NEDD4L: variants seen among roughly 807,000 people sequenced by gnomAD.
The protein encoded by NEDD4L is E3 ubiquitin-protein ligase NEDD4-like.
A neutral mutation model predicts 148.9 loss-of-function variants in NEDD4L; 54 were observed. The observed-to-expected ratio is 0.36, with a 90% confidence interval of 0.29 to 0.45. The LOEUF is 0.45. Among genes scored for constraint, NEDD4L ranks in the 20% least tolerant of loss-of-function variants. The pLI, the probability that NEDD4L is intolerant of heterozygous loss-of-function variation, is 1.00. For missense variants in NEDD4L, 856 were observed against 1,233.8 expected, an observed-to-expected ratio of 0.69 and a Z score of 4.59; for synonymous variants, 433 against 440.7, an observed-to-expected ratio of 0.98 and a Z score of 0.22.
intron 1 of NEDD4L, among the ~76,000 whole-genome samples, chr18:58,094,321 A>G (rs2084250453): frequency 6.6e-6 from 1 of 151,856 alleles, no homozygotes; most frequent in Non-Finnish European, 1.5e-5. Context: ...GATAGCTGGG[A>G]CCACAGGCAC....
chr18:58,136,553 A>G (rs2032873659), intron 1 of NEDD4L, among the ~76,000 whole-genome samples: 1 of 152,236 alleles, frequency 6.6e-6, no homozygotes, highest in East Asian at 1.9e-4. Flanking sequence ...GACTGTGACT[A>G]CAGTGGATAT....
intron 1 of NEDD4L, among the ~76,000 whole-genome samples, chr18:58,094,377 G>C (rs564886831): frequency 5.9e-5 from 9 of 151,996 alleles, no homozygotes; most frequent in African/African-American, 2.2e-4. Flanking sequence ...TATAGAGACG[G>C]GATTTCTCCA....
chr18:58,142,836 T>C (rs1178715713), intron 1 of NEDD4L, among the ~76,000 whole-genome samples: 1 of 49,968 alleles, frequency 2.0e-5, no homozygotes, highest in Non-Finnish European at 4.4e-5. Context: ...CCTTTTATCA[T>C]TTTTTTTTCA....
intron 2 of NEDD4L, among the ~76,000 whole-genome samples, chr18:58,235,801 T>G (rs1445690022): frequency 1.3e-5 from 2 of 152,162 alleles, no homozygotes; most frequent in Non-Finnish European, 2.9e-5. Context: ...TTTAAGGCTG[T>G]GTGCTTTATA....
chr18:58,153,653 G>GTT (rs140940918), intron 1 of NEDD4L, among the ~76,000 whole-genome samples: 2,891 of 146,084 alleles, frequency 0.02, 56 homozygotes, highest in Middle Eastern at 0.045. Context: ...TTTGCGAAAC[G>GTT]TTTTTTTTTT....
intron 1 of NEDD4L, among the ~76,000 whole-genome samples, chr18:58,072,857 GGCGC>G (rs563017835): frequency 1.6e-4 from 22 of 139,680 alleles, no homozygotes; most frequent in East Asian, 8.3e-4. Context: ...AAAATCCTAA[GGCGC>G]GCGCGCGCGC....
At chr18:58,104,088 A>G (rs979530974) in intron 1 of NEDD4L, among the ~76,000 whole-genome samples, 7 of 152,244 alleles carry the variant, frequency 4.6e-5, no homozygotes, top group African/African-American at 9.6e-5. Context: ...TGAATAGATT[A>G]AAAAACAGAT....
chr18:58,302,090 G>A (rs1265930303), intron 5 of NEDD4L, among the ~76,000 whole-genome samples: 1 of 152,158 alleles, frequency 6.6e-6, no homozygotes, highest in Non-Finnish European at 1.5e-5. Context: ...GGAATCTTTT[G>A]TCGTCTAGCC....
intron 30 of NEDD4L, among the ~76,000 whole-genome samples, chr18:58,393,639 C>G (rs1464793461): frequency 6.6e-6 from 1 of 152,218 alleles, no homozygotes; most frequent in Non-Finnish European, 1.5e-5. Flanking sequence ...TCTGCTGTTT[C>G]TTCTAAATGG....
intron 2 of NEDD4L, among the ~76,000 whole-genome samples, chr18:58,191,449 A>G (rs2040108804): frequency 6.6e-6 from 1 of 152,220 alleles, no homozygotes; most frequent in African/African-American, 2.4e-5. Context: ...GATGGCCCCT[A>G]TTTCAGAATC....
At chr18:58,292,533 C>G (rs114006683) in intron 5 of NEDD4L, among the ~76,000 whole-genome samples, 2,949 of 152,330 alleles carry the variant, frequency 0.019, 86 homozygotes, top group African/African-American at 0.057. Flanking sequence ...TGATCTCGCT[C>G]CTCTACTCTC....
At chr18:58,106,857 C>G (rs1384701482) in intron 1 of NEDD4L, among the ~76,000 whole-genome samples, 5 of 151,824 alleles carry the variant, frequency 3.3e-5, no homozygotes, top group Non-Finnish European at 7.4e-5. Context: ...TGAACCTGTC[C>G]CCTGAAATCT....
intron 13 of NEDD4L, among the ~76,000 whole-genome samples, chr18:58,339,973 C>T (rs945150460): frequency 5.9e-5 from 9 of 152,186 alleles, no homozygotes; most frequent in African/African-American, 1.9e-4. Flanking sequence ...GTAAAAGAAG[C>T]AGCTTCCTTT....
intron 1 of NEDD4L, among the ~76,000 whole-genome samples, chr18:58,095,449 G>A (rs1035945663): frequency 7.6e-6 from 1 of 131,296 alleles, no homozygotes; most frequent in African/African-American, 3.3e-5. Context: ...TGCTCCCACC[G>A]CGTGGGGAGT....
chr18:58,269,810 A>G (rs1449185806), intron 5 of NEDD4L, among the ~76,000 whole-genome samples: 2 of 152,040 alleles, frequency 1.3e-5, no homozygotes, highest in Admixed American at 6.5e-5. Context: ...CCCCAAATCT[A>G]TATTGTGTTC....
chr18:58,368,441 A>G (rs4940669), intron 22 of NEDD4L, among the ~76,000 whole-genome samples: 45,159 of 152,086 alleles, frequency 0.3, 6,908 homozygotes, highest in Middle Eastern at 0.41. Context: ...AGGCTTAGAG[A>G]CTTCTAAAAG....
intron 5 of NEDD4L, among the ~76,000 whole-genome samples, chr18:58,271,562 A>G (rs568670445): frequency 6.6e-6 from 1 of 152,350 alleles, no homozygotes. Flanking sequence ...GAGTGAGATT[A>G]GCTAGAAAAG....
chr18:58,056,879 C>A (rs1379441102), intron 1 of NEDD4L, among the ~76,000 whole-genome samples: 1 of 148,444 alleles, frequency 6.7e-6, no homozygotes, highest in African/African-American at 2.5e-5. Context: ...CCATGCCCAG[C>A]CAGAGCTATG....
intron 1 of NEDD4L, among the ~76,000 whole-genome samples, chr18:58,122,005 T>G (rs2029999708): frequency 1.3e-5 from 2 of 152,262 alleles, no homozygotes; most frequent in Admixed American, 1.3e-4. Flanking sequence ...ACTTGAGAAA[T>G]TTCAACTCGT....
Sources: allele counts gnomAD v4.1 joint callset (sites outside exome capture counted in the v4.1 genomes callset), GRCh38; gene constraint gnomAD v4.1.1; transcripts MANE v1.5; gene names NCBI Gene and HGNC (gene_info 2026-07-23, HGNC 2026-07-21).